The following ST3GAL3 variants were observed in gnomAD, a reference collection of about 807,000 sequenced individuals.
The protein encoded by ST3GAL3 is CMP-N-acetylneuraminate-beta-1,4-galactoside alpha-2,3-sialyltransferase.
ST3GAL3 carries 21 observed loss-of-function variants against 50.1 expected under a neutral mutation model. The ratio of observed to expected loss-of-function variants is 0.42; its 90% CI spans 0.30 to 0.60. The LOEUF is 0.60. Ranked by LOEUF, ST3GAL3 falls within the 20% of genes least tolerant of loss-of-function variation. The probability of loss-of-function intolerance (pLI) is 0.19; values close to 1 mark genes in which losing one functional copy is unlikely to be tolerated. For synonymous variants in ST3GAL3, 183 were observed against 190.0 expected (o/e 0.96, Z 0.30); for missense variants, 353 against 489.4 (o/e 0.72, Z 2.63).
intron 3 of ST3GAL3, among the ~76,000 whole-genome samples, chr1:43,811,847 G>A (rs1162604163): frequency 1.3e-5 from 2 of 151,926 alleles, no homozygotes; most frequent in Non-Finnish European, 2.9e-5. Flanking sequence ...CCACAAAGAC[G>A]TTTTTTGAAA....
chr1:43,762,289 C>A (rs956932768), intron 2 of ST3GAL3, among the ~76,000 whole-genome samples: 2 of 150,526 alleles, frequency 1.3e-5, no homozygotes, highest in Non-Finnish European at 3.0e-5. Context: ...GAAAGAAAAA[C>A]CAAAAAGTCA....
chr1:43,851,359 A>ACT, intron 5 of ST3GAL3: 2 of 1,573,996 alleles, frequency 1.3e-6, no homozygotes, highest in Non-Finnish European at 1.7e-6. Flanking sequence ...GGGCAGTTAC[A>ACT]CTCAAAGTTT....
chr1:43,891,983 G>A (rs770497872), intron 5 of ST3GAL3, among the ~76,000 whole-genome samples: 3 of 152,066 alleles, frequency 2.0e-5, no homozygotes, highest in Non-Finnish European at 4.4e-5. Flanking sequence ...TCGCTCTGTC[G>A]CCCAGGCTGT....
At chr1:43,781,710 A>C (rs1365520047) in intron 2 of ST3GAL3, among the ~76,000 whole-genome samples, 1 of 152,236 alleles carries the variant, frequency 6.6e-6, no homozygotes, top group African/African-American at 2.4e-5. Flanking sequence ...ACAACGCCTA[A>C]AATATTTACT....
intron 1 of ST3GAL3, among the ~76,000 whole-genome samples, chr1:43,732,087 G>A (rs1676183499): frequency 6.6e-6 from 1 of 152,156 alleles, no homozygotes; most frequent in Admixed American, 6.5e-5. Flanking sequence ...TTAGCAGTAG[G>A]TTCTAGACAC....
At chr1:43,897,365 A>G (rs1394356106) in intron 6 of ST3GAL3, among the ~76,000 whole-genome samples, 1 of 152,230 alleles carries the variant, frequency 6.6e-6, no homozygotes, top group Non-Finnish European at 1.5e-5. Flanking sequence ...CAAAATAGGA[A>G]TTACTTTCAT....
Position 43,746,770 on chromosome 1 carries a change from G to GT in ST3GAL3, c.118+10401dup, listed in dbSNP as rs557142223. On this transcript the variant is annotated intron_variant, in intron 2 of 11. Coordinates refer to ENST00000347631, the MANE Select transcript of ST3GAL3 (RefSeq NM_006279.5). ...AGCCACTGCGCCTGGCCTAGTTTTT[G>GT]TTTTTTTTTTTGAGACAAGTCTCAC... 6.5e-3 allele frequency among the ~76,000 whole-genome samples: 611 copies of GT among 93,550 alleles called. 1 individual carries two copies. The highest frequency in any genetic ancestry group is 0.017 in the African/African-American group (430 of 24,622). The allele number at this position is 93,550 out of a possible 152,430, so 61.4% of individuals were successfully genotyped here. A position where few individuals can be genotyped will look rare whatever the true frequency, so the allele number is the denominator to read the frequency against.
chr1:43,728,343 A>AAACGAAAAC (rs1673955384), intron 1 of ST3GAL3, among the ~76,000 whole-genome samples: 1 of 130,234 alleles, frequency 7.7e-6, no homozygotes, highest in Non-Finnish European at 1.8e-5. Context: ...CCTTCTCAGA[A>AAACGAAAAC]AACAAAAACA....
At chr1:43,742,377 G>A (rs1681324228) in intron 2 of ST3GAL3, among the ~76,000 whole-genome samples, 1 of 152,130 alleles carries the variant, frequency 6.6e-6, no homozygotes, top group South Asian at 2.1e-4. Flanking sequence ...TATCAAGAGA[G>A]GTCAAAAATG....
intron 2 of ST3GAL3, among the ~76,000 whole-genome samples, chr1:43,751,514 G>A (rs1430037143): frequency 6.6e-6 from 1 of 152,218 alleles, no homozygotes; most frequent in Non-Finnish European, 1.5e-5. Context: ...ATACTCTGCA[G>A]CCATTGAAAT....
intron 2 of ST3GAL3, among the ~76,000 whole-genome samples, chr1:43,750,804 AG>A (rs1355225711): frequency 6.6e-6 from 1 of 151,830 alleles, no homozygotes; most frequent in Non-Finnish European, 1.5e-5. Flanking sequence ...AGGCTCAGTG[AG>A]CCATGTTCAT....
chr1:43,710,942 C>T (rs565707716), intron 1 of ST3GAL3, among the ~76,000 whole-genome samples: 2 of 152,342 alleles, frequency 1.3e-5, no homozygotes, highest in South Asian at 4.1e-4. Context: ...ATAGACTGTC[C>T]TCTTCATCAT....
intron 5 of ST3GAL3, among the ~76,000 whole-genome samples, chr1:43,855,599 G>C (rs1185804736): frequency 1.3e-5 from 2 of 149,288 alleles, no homozygotes; most frequent in African/African-American, 2.5e-5. Flanking sequence ...GACAGAGCAA[G>C]ACTCTGTCTC....
intron 2 of ST3GAL3, among the ~76,000 whole-genome samples, chr1:43,789,748 C>T (rs1406762149): frequency 6.6e-6 from 1 of 152,010 alleles, no homozygotes; most frequent in Non-Finnish European, 1.5e-5. Context: ...GGCACATGCA[C>T]CTGTAGTCCT....
intron 2 of ST3GAL3, among the ~76,000 whole-genome samples, chr1:43,778,318 G>C (rs1161043190): frequency 1.3e-5 from 2 of 152,174 alleles, no homozygotes; most frequent in Non-Finnish European, 1.5e-5. Flanking sequence ...TGGATGCTGG[G>C]CTTAATACCT....
At chr1:43,748,643 G>C (rs1349764634) in intron 2 of ST3GAL3, among the ~76,000 whole-genome samples, 3 of 152,082 alleles carry the variant, frequency 2.0e-5, no homozygotes, top group Non-Finnish European at 2.9e-5. Flanking sequence ...GGCTGGTCCT[G>C]AACTCCTGTT....
intron 4 of ST3GAL3, among the ~76,000 whole-genome samples, chr1:43,837,886 C>A (rs1479892922): frequency 6.6e-6 from 1 of 152,060 alleles, no homozygotes; most frequent in Non-Finnish European, 1.5e-5. Context: ...CTATCTATTC[C>A]TTTAGGGTTG....
chr1:43,772,012 G>T, intron 2 of ST3GAL3: 1 of 394,138 alleles, frequency 2.5e-6, no homozygotes, highest in Non-Finnish European at 4.4e-6. Context: ...GAAACTGAGC[G>T]TATCCTGCAG....
intron 1 of ST3GAL3, among the ~76,000 whole-genome samples, chr1:43,713,970 G>A (rs1167566375): frequency 6.6e-6 from 1 of 152,168 alleles, no homozygotes; most frequent in African/African-American, 2.4e-5. Context: ...CAGTTGATAA[G>A]AATGCCATAC....
Sources: allele counts gnomAD v4.1 joint callset (sites outside exome capture counted in the v4.1 genomes callset), GRCh38; gene constraint gnomAD v4.1.1; transcripts MANE v1.5; gene names NCBI Gene and HGNC (gene_info 2026-07-23, HGNC 2026-07-21).